ATAD2B: variants seen among roughly 807,000 people sequenced by gnomAD.
The protein encoded by ATAD2B is ATPase family AAA domain containing 2B.
In ATAD2B, 40 loss-of-function variants were observed where a neutral mutation model predicts 167.6. That is an observed-to-expected ratio of 0.24 (90% CI 0.19 to 0.31). ATAD2B has a LOEUF of 0.31. Among genes scored for constraint, ATAD2B ranks in the 10% least tolerant of loss-of-function variants. ATAD2B has a pLI of 1.00. For missense variants in ATAD2B, 1,242 were observed against 1,757.2 expected (o/e 0.71, Z 5.24); for synonymous variants, 579 against 596.5 (o/e 0.97, Z 0.43).
the ATAD2B span, chr2:23,691,952 T>C: frequency 7.0e-7 from 1 of 1,433,176 alleles, no homozygotes; most frequent in Non-Finnish European, 9.5e-7. Flanking sequence ...CAGCAAGGAC[T>C]GAGCGGGGAG....
At chr2:23,881,652 C>T (rs139528708) in intron 6 of ATAD2B, among the ~76,000 whole-genome samples, 4,005 of 149,602 alleles carry the variant, frequency 0.027, 178 homozygotes, top group African/African-American at 0.093. Flanking sequence ...TGAGCCACCG[C>T]GCCCAGCTAT....
intron 22 of ATAD2B, among the ~76,000 whole-genome samples, chr2:23,770,226 G>C (rs1189910399): frequency 6.6e-6 from 1 of 151,868 alleles, no homozygotes; most frequent in Non-Finnish European, 1.5e-5. Flanking sequence ...TGAGGCAGGA[G>C]AATTGCTTAA....
intron 14 of ATAD2B, among the ~76,000 whole-genome samples, chr2:23,833,405 A>G (rs1689387824): frequency 6.6e-6 from 1 of 152,002 alleles, no homozygotes. Flanking sequence ...AAAAATTTGT[A>G]TATCATATAA....
At chr2:23,880,461 G>A (rs948787769) in intron 7 of ATAD2B, among the ~76,000 whole-genome samples, 178 bp downstream of exon 7, 2 of 151,906 alleles carry the variant, frequency 1.3e-5, no homozygotes, top group Non-Finnish European at 2.9e-5. Context: ...TACTCGGGAG[G>A]CTGAAGCAGG....
At chr2:23,872,353 T>G (rs1472986417) in intron 8 of ATAD2B, 1 of 620,722 alleles carries the variant, frequency 1.6e-6, no homozygotes, top group Non-Finnish European at 3.1e-6. Context: ...CTTGTCAAAT[T>G]CATAGACAAT....
At chr2:23,814,461 G>A (rs1176460309) in intron 17 of ATAD2B, among the ~76,000 whole-genome samples, 1 of 152,126 alleles carries the variant, frequency 6.6e-6, no homozygotes, top group Non-Finnish European at 1.5e-5. Flanking sequence ...ATACCAATTA[G>A]AGACTCATAG....
At chr2:23,700,370 T>G in the ATAD2B span, among the ~76,000 whole-genome samples, 1 of 152,166 alleles carries the variant, frequency 6.6e-6, no homozygotes, top group South Asian at 2.1e-4. This position sits in a 1 kb window ranked among gnomAD's most constrained non-coding sequence, Gnocchi z 4.6. Context: ...TACTCAAAAT[T>G]CATCACTTCC....
At chr2:23,888,264 A>T in intron 3 of ATAD2B, 86 bp downstream of exon 3, 1 of 942,926 alleles carries the variant, frequency 1.1e-6, no homozygotes, top group Non-Finnish European at 1.6e-6. Context: ...GCACACTATT[A>T]AATCACTCTA....
Position 23,926,974 on chromosome 2 carries a change from G to C in ATAD2B, c.-204C>G. 1.7e-6 allele frequency: 1 copy of C among 594,600 alleles called. No homozygotes were observed. The highest frequency in any genetic ancestry group is 2.8e-6 in the Non-Finnish European group (1 of 361,444). The allele number at this position is 594,600 out of a possible 1,614,324, so 36.8% of individuals were successfully genotyped here. Reference sequence around the variant, plus strand: ...TGAGCAGGCGGCGTGCGGGAAGCGGGGGCGGTGCTGCAGACCGGCAGCACA... The same window carrying C: ...TGAGCAGGCGGCGTGCGGGAAGCGGCGGCGGTGCTGCAGACCGGCAGCACA... On this transcript the variant is annotated 5_prime_UTR_variant, in exon 1 of 28. Coordinates refer to ENST00000238789, the MANE Select transcript of ATAD2B (RefSeq NM_017552.4).
intron 13 of ATAD2B, among the ~76,000 whole-genome samples, chr2:23,840,164 G>C (rs920833079): frequency 1.3e-5 from 2 of 151,956 alleles, no homozygotes; most frequent in Admixed American, 6.6e-5. Context: ...TTCAGTTCTG[G>C]GGTATTACAA....
chr2:23,793,962 T>C (rs1682211813), intron 19 of ATAD2B, among the ~76,000 whole-genome samples: 1 of 152,162 alleles, frequency 6.6e-6, no homozygotes, highest in Non-Finnish European at 1.5e-5. Context: ...TTTTCCAAAA[T>C]ATAGAAAGAA....
the ATAD2B span, among the ~76,000 whole-genome samples, chr2:23,706,139 G>C: frequency 6.6e-6 from 1 of 152,250 alleles, no homozygotes; most frequent in Non-Finnish European, 1.5e-5. Context: ...TAGGAAGGCT[G>C]CGTGTGCCAC....
intron 1 of ATAD2B, among the ~76,000 whole-genome samples, chr2:23,900,179 G>A (rs988876179): frequency 6.6e-6 from 1 of 151,848 alleles, no homozygotes; most frequent in Admixed American, 6.6e-5. Flanking sequence ...GCCTCCGAAA[G>A]TGCTGGGATT....
intron 10 of ATAD2B, among the ~76,000 whole-genome samples, chr2:23,865,740 T>A (rs1459991208): frequency 6.6e-6 from 1 of 152,060 alleles, no homozygotes; most frequent in Admixed American, 6.6e-5. Context: ...ATTTCTCTAG[T>A]CAGAGAGAAA....
the ATAD2B span, among the ~76,000 whole-genome samples, chr2:23,741,709 T>C: frequency 6.6e-6 from 1 of 152,252 alleles, no homozygotes; most frequent in African/African-American, 2.4e-5. Flanking sequence ...AAATGGGATC[T>C]AATTAAACTA....
At chr2:23,887,559 A>G (rs2150285962) in intron 4 of ATAD2B, among the ~76,000 whole-genome samples, 1 of 152,310 alleles carries the variant, frequency 6.6e-6, no homozygotes, top group South Asian at 2.1e-4. Flanking sequence ...ATTAAGTAGG[A>G]TGACATATTA....
At chr2:23,719,702 T>A in the ATAD2B span, among the ~76,000 whole-genome samples, 2 of 152,068 alleles carry the variant, frequency 1.3e-5, no homozygotes, top group African/African-American at 2.4e-5. Flanking sequence ...AAAAGTGAGA[T>A]TAAGGTGGAC....
At chr2:23,740,095 G>C in the ATAD2B span, among the ~76,000 whole-genome samples, 1 of 152,138 alleles carries the variant, frequency 6.6e-6, no homozygotes, top group African/African-American at 2.4e-5. Context: ...GGACCAGATG[G>C]ATTCACAGCC....
intron 1 of ATAD2B, among the ~76,000 whole-genome samples, chr2:23,910,469 C>T (rs1306952045): frequency 2.6e-5 from 4 of 151,614 alleles, no homozygotes; most frequent in African/African-American, 4.8e-5. Flanking sequence ...TGAGCCACTG[C>T]GCCCGGCCTG....
Sources: gnomAD v4.1 joint callset for allele counts (sites outside exome capture counted in the v4.1 genomes callset) on GRCh38, gnomAD v4.1.1 for gene constraint, Gnocchi (gnomAD v3.1) non-coding constraint, MANE v1.5 for transcripts, NCBI Gene and HGNC (gene_info 2026-07-23, HGNC 2026-07-21) for gene names.